The following TENM3 variants were observed in gnomAD, a reference collection of about 807,000 sequenced individuals.
TENM3 encodes teneurin transmembrane protein 3.
A neutral mutation model predicts 255.1 loss-of-function variants in TENM3; 63 were observed. The ratio of observed to expected loss-of-function variants is 0.25; its 90% CI spans 0.20 to 0.30. The LOEUF (loss-of-function observed/expected upper bound fraction) is 0.30, where lower values mean the gene tolerates loss of function less well. Ranked by LOEUF, TENM3 falls within the 10% of genes least tolerant of loss-of-function variation. TENM3 has a pLI of 1.00. For missense variants in TENM3, 2,929 were observed against 3,461.1 expected (o/e 0.85, Z 3.86); for synonymous variants, 1,306 against 1,322.3 (o/e 0.99, Z 0.27).
At chr4:181,680,765 A>G in the TENM3 span, among the ~76,000 whole-genome samples, 1 of 152,236 alleles carries the variant, frequency 6.6e-6, no homozygotes, top group Non-Finnish European at 1.5e-5. Context: ...CCATTACTCA[A>G]GTCAATCCAA....
rs527484986 is a variant in TENM3, at chr4:182,714,282, G to A, written c.2368+49G>A. ...CGAGTCTGTGCCAGAGCACAGGTTC[G>A]TAAGTGACAGTGAGTACATAGATAT... On this transcript the variant is annotated intron_variant, in intron 13 of 27. Transcript: ENST00000511685. 597 of 932,264 alleles carry A rather than the reference G, an allele frequency of 6.4e-4. 8 individuals carry two copies. The South Asian group carries it at 6.7e-3, about 10-fold the overall frequency. The allele number at this position is 932,264 out of a possible 1,614,324, so 57.7% of individuals were successfully genotyped here.
At chr4:181,667,842 A>T in the TENM3 span, among the ~76,000 whole-genome samples, 8,492 of 152,280 alleles carry the variant, frequency 0.056, 335 homozygotes, top group Middle Eastern at 0.16. Flanking sequence ...AGGACCTGTC[A>T]TAAGGGCACT....
intron 11 of TENM3, among the ~76,000 whole-genome samples, chr4:182,685,155 C>A (rs1192826442): frequency 1.3e-5 from 2 of 152,006 alleles, no homozygotes; most frequent in Non-Finnish European, 2.9e-5. Context: ...GTTCTCCTTC[C>A]CATTCTGATT....
chr4:182,035,627 T>C, the TENM3 span, among the ~76,000 whole-genome samples: 4 of 152,182 alleles, frequency 2.6e-5, no homozygotes, highest in Admixed American at 6.5e-5. Context: ...GCCTTTTTAA[T>C]GTGGGGGTTT....
chr4:181,591,147 C>T, the TENM3 span, among the ~76,000 whole-genome samples: 1 of 152,176 alleles, frequency 6.6e-6, no homozygotes, highest in African/African-American at 2.4e-5. Context: ...CAAATCAAAA[C>T]ATGAAACTAA....
At chr4:181,657,546 T>C in the TENM3 span, among the ~76,000 whole-genome samples, 5 of 152,136 alleles carry the variant, frequency 3.3e-5, no homozygotes, top group Non-Finnish European at 5.9e-5. Flanking sequence ...TTGGTGGAAA[T>C]GTGAATTAGT....
chr4:181,605,693 C>T, the TENM3 span, among the ~76,000 whole-genome samples: 1 of 151,992 alleles, frequency 6.6e-6, no homozygotes, highest in South Asian at 2.1e-4. Flanking sequence ...TAAGAGAAAG[C>T]ATATAATGCA....
intron 3 of TENM3, among the ~76,000 whole-genome samples, chr4:182,469,934 A>T (rs2151444193): frequency 1.3e-5 from 2 of 152,314 alleles, no homozygotes; most frequent in South Asian, 4.1e-4. Context: ...ATCCCAGGAC[A>T]TCTGGAAGAG....
At chr4:182,646,737 A>G (rs770844534) in intron 5 of TENM3, among the ~76,000 whole-genome samples, 2 of 152,118 alleles carry the variant, frequency 1.3e-5, no homozygotes, top group South Asian at 2.1e-4. Context: ...GCAAGACTTC[A>G]TCTCAAACAT....
chr4:182,753,529 A>G lies in TENM3; in HGVS notation c.3942A>G (p.Ile1314Met). Residue 1314 changes from isoleucine to methionine, a missense_variant, in exon 21 of 28, where the codon ATA becomes ATG. Around this residue, in one of 6 missense-constraint regions of TENM3, gnomAD observed 1,608 missense variants for 1,884.4 expected, o/e 0.85. Transcript: ENST00000511685. The stretch of plus-strand genomic sequence containing the variant: ...GGAAAGTTGACCAAAATGGAATCAT[A>G]TCAACTCTTCTGGGCTCTAACGATT... ...MIRKVDQNGIISTLLGSNDLT... is the reference protein window; with the variant it reads ...MIRKVDQNGIMSTLLGSNDLT... 6.2e-7 allele frequency: 1 copy of G among 1,613,918 alleles called. No individual in the cohort carries two copies. Among genetic ancestry groups the G allele is most frequent in the South Asian group, 1.1e-5 (1 of 91,076 alleles).
At chr4:181,949,597 C>T in the TENM3 span, among the ~76,000 whole-genome samples, 1 of 152,216 alleles carries the variant, frequency 6.6e-6, no homozygotes, top group Non-Finnish European at 1.5e-5. Flanking sequence ...AGAGCCATAA[C>T]CTGGACCCTA....
chr4:182,118,447 TTTTA>T, the TENM3 span, among the ~76,000 whole-genome samples: 1 of 151,996 alleles, frequency 6.6e-6, no homozygotes, highest in Non-Finnish European at 1.5e-5. Flanking sequence ...AAATTTTATT[TTTTA>T]TTTATTTTTT....
chr4:181,883,598 C>G, the TENM3 span, among the ~76,000 whole-genome samples: 1 of 152,052 alleles, frequency 6.6e-6, no homozygotes, highest in African/African-American at 2.4e-5. Context: ...CCTCAGCCTC[C>G]CGAGTAGCTG....
At chr4:182,219,216 TG>T (rs1755703992) in intron 1 of TENM3, among the ~76,000 whole-genome samples, 1 of 152,050 alleles carries the variant, frequency 6.6e-6, no homozygotes, top group African/African-American at 2.4e-5. Flanking sequence ...AGCAAGACTC[TG>T]TCTCCAAAAA....
At chr4:182,000,480 G>A in the TENM3 span, among the ~76,000 whole-genome samples, 19 of 152,132 alleles carry the variant, frequency 1.2e-4, no homozygotes, top group Admixed American at 5.2e-4. Flanking sequence ...ATGTGACTGC[G>A]TCTGATATTT....
intron 12 of TENM3, among the ~76,000 whole-genome samples, chr4:182,699,920 C>T (rs1439170000): frequency 6.6e-6 from 1 of 151,694 alleles, no homozygotes; most frequent in African/African-American, 2.4e-5. Context: ...ACAATTTAAC[C>T]AGAAATAAAG....
the TENM3 span, among the ~76,000 whole-genome samples, chr4:182,091,549 C>T: frequency 6.6e-6 from 1 of 152,112 alleles, no homozygotes; most frequent in Non-Finnish European, 1.5e-5. Context: ...GGTGCTCAAA[C>T]CTTTGAGATA....
the TENM3 span, among the ~76,000 whole-genome samples, chr4:181,678,255 A>G: frequency 6.6e-6 from 1 of 152,114 alleles, no homozygotes; most frequent in Non-Finnish European, 1.5e-5. Flanking sequence ...AACAGAGTTC[A>G]GTGCAAGGGA....
At chr4:181,787,000 G>A in the TENM3 span, among the ~76,000 whole-genome samples, 1 of 152,186 alleles carries the variant, frequency 6.6e-6, no homozygotes, top group Non-Finnish European at 1.5e-5. Flanking sequence ...AATGATCTTT[G>A]CCCTGTGGCA....
Sources: allele counts gnomAD v4.1 joint callset (sites outside exome capture counted in the v4.1 genomes callset), GRCh38; gene constraint gnomAD v4.1.1; regional missense constraint gnomAD v4.1.1; transcripts MANE v1.5; gene names NCBI Gene and HGNC (gene_info 2026-07-23, HGNC 2026-07-21).